Variants in CEP63 observed in about 807,000 individuals in gnomAD.
CEP63 encodes centrosomal protein of 63 kDa.
Under a neutral mutation model 89.1 loss-of-function variants are expected in CEP63, and 84 were observed. That is an observed-to-expected ratio of 0.94 (90% CI 0.79 to 1.13). CEP63 has a LOEUF of 1.13. CEP63 is among the 50% of genes most tolerant of loss of function. The pLI is 0.00. For missense variants in CEP63, 838 were observed against 813.3 expected (o/e 1.03, Z -0.37); for synonymous variants, 267 against 272.5 (o/e 0.98, Z 0.20).
At chr3:134,748,325 C>T in the CEP63 span, among the ~76,000 whole-genome samples, 1 of 152,166 alleles carries the variant, frequency 6.6e-6, no homozygotes, top group Non-Finnish European at 1.5e-5. Context: ...TTCAGGAAGG[C>T]TCAAACTAAT....
At chr3:134,743,732 T>C in the CEP63 span, among the ~76,000 whole-genome samples, 1 of 152,090 alleles carries the variant, frequency 6.6e-6, no homozygotes, top group Non-Finnish European at 1.5e-5. Context: ...GCTAAGCATA[T>C]CTGCTTCAAT....
intron 4 of CEP63, among the ~76,000 whole-genome samples, chr3:134,532,222 C>G (rs919445408): frequency 6.6e-6 from 1 of 152,006 alleles, no homozygotes; most frequent in South Asian, 2.1e-4. Flanking sequence ...ATACTTGATA[C>G]CAAAAATTAC....
At chr3:134,614,399 A>C in the CEP63 span, among the ~76,000 whole-genome samples, 7 of 152,182 alleles carry the variant, frequency 4.6e-5, no homozygotes, top group Non-Finnish European at 8.8e-5. Flanking sequence ...CACAATGAAA[A>C]CATGGATGTA....
chr3:134,488,342 G>C (rs988821576), intron 1 of CEP63, among the ~76,000 whole-genome samples: 2 of 152,128 alleles, frequency 1.3e-5, no homozygotes, highest in Non-Finnish European at 2.9e-5. Flanking sequence ...GGCCGGGCGC[G>C]GTGACTCACG....
At chr3:134,576,178 T>C (rs1958208894), downstream of CEP63, among the ~76,000 whole-genome samples, 1 of 152,224 alleles carries the variant, frequency 6.6e-6, no homozygotes, top group African/African-American at 2.4e-5. Flanking sequence ...GTATGGTTTC[T>C]GGGACATTGC....
At chr3:134,677,766 TC>T in the CEP63 span, among the ~76,000 whole-genome samples, 1 of 151,956 alleles carries the variant, frequency 6.6e-6, no homozygotes, top group Non-Finnish European at 1.5e-5. Flanking sequence ...CCTCCCCTGT[TC>T]CCCACTTGTT....
At chr3:134,741,749 A>G in the CEP63 span, among the ~76,000 whole-genome samples, 1 of 152,196 alleles carries the variant, frequency 6.6e-6, no homozygotes, top group African/African-American at 2.4e-5. Flanking sequence ...ATGGTTTTGC[A>G]TTTCCATTAA....
chr3:134,751,217 A>T, the CEP63 span, among the ~76,000 whole-genome samples: 1 of 152,224 alleles, frequency 6.6e-6, no homozygotes, highest in East Asian at 1.9e-4. Flanking sequence ...TGTAGAATGT[A>T]CTTCATTCCT....
the CEP63 span, among the ~76,000 whole-genome samples, chr3:134,714,197 G>C: frequency 1.3e-5 from 2 of 152,362 alleles, no homozygotes; most frequent in Non-Finnish European, 2.9e-5. Context: ...CTAATGAGTT[G>C]TCAGGTAATA....
the CEP63 span, among the ~76,000 whole-genome samples, chr3:134,678,668 A>G: frequency 9.8e-5 from 15 of 152,304 alleles, no homozygotes; most frequent in East Asian, 2.7e-3. Context: ...CATTTTACAG[A>G]TGAGGATACC....
At chr3:134,542,145 CTA>C (rs1184728872) in intron 6 of CEP63, among the ~76,000 whole-genome samples, 3 of 152,074 alleles carry the variant, frequency 2.0e-5, no homozygotes, top group Admixed American at 6.5e-5. Context: ...AGAGGTTGCT[CTA>C]TGTTTTCCTT....
intron 11 of CEP63, among the ~76,000 whole-genome samples, chr3:134,574,120 G>C (rs746426812): frequency 6.6e-6 from 1 of 152,220 alleles, no homozygotes; most frequent in Non-Finnish European, 1.5e-5. Context: ...CAGAGTTGCA[G>C]GGTATGCTAC....
chr3:134,525,943 G>A (rs567369786), intron 3 of CEP63, among the ~76,000 whole-genome samples: 1 of 152,142 alleles, frequency 6.6e-6, no homozygotes, highest in East Asian at 1.9e-4. Flanking sequence ...ATCTTACTGG[G>A]GTTCTCTGCA....
At chr3:134,779,404 A>G in the CEP63 span, among the ~76,000 whole-genome samples, 1 of 152,002 alleles carries the variant, frequency 6.6e-6, no homozygotes, top group Non-Finnish European at 1.5e-5. Context: ...GTTTTTTCCT[A>G]TTATGGATTG....
At chr3:134,760,541 T>C in the CEP63 span, among the ~76,000 whole-genome samples, 1 of 152,182 alleles carries the variant, frequency 6.6e-6, no homozygotes, top group African/African-American at 2.4e-5. Flanking sequence ...GCTAGTGTTA[T>C]GGGGAAGTAA....
chr3:134,633,833 A>T, the CEP63 span, among the ~76,000 whole-genome samples: 4 of 152,290 alleles, frequency 2.6e-5, no homozygotes, highest in South Asian at 6.2e-4. Context: ...CACAGTTGAT[A>T]TGTCTGTCTA....
the CEP63 span, among the ~76,000 whole-genome samples, chr3:134,677,132 G>A: frequency 2.6e-5 from 4 of 152,154 alleles, no homozygotes; most frequent in South Asian, 2.1e-4. Flanking sequence ...AGCTACTGAG[G>A]AAGCTGAGGC....
the CEP63 span, among the ~76,000 whole-genome samples, chr3:134,732,774 G>A: frequency 3.9e-5 from 6 of 152,040 alleles, no homozygotes; most frequent in African/African-American, 1.4e-4. Context: ...TGACATAAAA[G>A]AAAATTAAAT....
At chr3:134,715,091 G>A in the CEP63 span, among the ~76,000 whole-genome samples, 4 of 152,266 alleles carry the variant, frequency 2.6e-5, no homozygotes, top group Admixed American at 2.6e-4. Context: ...GGGCTTCCTT[G>A]TCTCTTGCTC....
Sources: gnomAD v4.1 joint callset for allele counts (sites outside exome capture counted in the v4.1 genomes callset) on GRCh38, gnomAD v4.1.1 for gene constraint, MANE v1.5 for transcripts, NCBI Gene and HGNC (gene_info 2026-07-23, HGNC 2026-07-21) for gene names.